Variants in SNTG1 observed in about 807,000 individuals in gnomAD.
SNTG1 encodes the protein syntrophin gamma 1.
A neutral mutation model predicts 74.7 loss-of-function variants in SNTG1; 39 were observed. That is an observed-to-expected ratio of 0.52 (90% CI 0.40 to 0.68). SNTG1 has a LOEUF of 0.68. Ranked by LOEUF, SNTG1 falls within the 30% of genes least tolerant of loss-of-function variation. The pLI, the probability that SNTG1 is intolerant of heterozygous loss-of-function variation, is 0.00. For missense variants in SNTG1, 685 were observed against 609.5 expected, an observed-to-expected ratio of 1.12 and a Z score of -1.30; for synonymous variants, 254 against 217.1, an observed-to-expected ratio of 1.17 and a Z score of -1.49.
intron 1 of SNTG1, among the ~76,000 whole-genome samples, chr8:49,921,445 T>G (rs890259035): frequency 1.3e-5 from 2 of 152,076 alleles, no homozygotes; most frequent in African/African-American, 4.8e-5. Context: ...GACTGTCAGA[T>G]CCTCAAGATC....
At chr8:50,459,400 T>G (rs1036125737) in intron 8 of SNTG1, among the ~76,000 whole-genome samples, 1 of 152,196 alleles carries the variant, frequency 6.6e-6, no homozygotes, top group African/African-American at 2.4e-5. Flanking sequence ...AGCATTTTAT[T>G]TGAATCATCA....
At chr8:50,104,707 T>C (rs1230852098) in intron 1 of SNTG1, among the ~76,000 whole-genome samples, 1 of 152,202 alleles carries the variant, frequency 6.6e-6, no homozygotes, top group Admixed American at 6.6e-5. Context: ...TTTAGTGCTA[T>C]AAATTTCCCT....
intron 2 of SNTG1, among the ~76,000 whole-genome samples, chr8:50,376,981 C>T (rs1365730839): frequency 6.6e-6 from 1 of 151,958 alleles, no homozygotes; most frequent in East Asian, 1.9e-4. Flanking sequence ...AGGATTCAAC[C>T]TGGCCTGAGT....
intron 1 of SNTG1, among the ~76,000 whole-genome samples, chr8:49,953,028 A>T (rs1331452356): frequency 6.6e-6 from 1 of 152,226 alleles, no homozygotes; most frequent in Non-Finnish European, 1.5e-5. Context: ...ATACATGAGT[A>T]TAGGGCTCTG....
chr8:50,217,443 C>T (rs966965454), intron 2 of SNTG1, among the ~76,000 whole-genome samples: 1 of 152,048 alleles, frequency 6.6e-6, no homozygotes, highest in African/African-American at 2.4e-5. Context: ...AACCCAGTCA[C>T]CTATTTGTAC....
chr8:50,320,710 G>A (rs1358915651), intron 2 of SNTG1, among the ~76,000 whole-genome samples: 1 of 151,706 alleles, frequency 6.6e-6, no homozygotes. Flanking sequence ...GGTATGTTGT[G>A]TTTCCAATAC....
At chr8:50,196,376 A>G (rs960448818) in intron 2 of SNTG1, among the ~76,000 whole-genome samples, 14 of 152,196 alleles carry the variant, frequency 9.2e-5, no homozygotes, top group Non-Finnish European at 1.8e-4. Context: ...GAAAACTGCA[A>G]TGCACAATGA....
chr8:49,978,304 G>A (rs1026446140), intron 1 of SNTG1, among the ~76,000 whole-genome samples: 1 of 151,906 alleles, frequency 6.6e-6, no homozygotes, highest in Non-Finnish European at 1.5e-5. Context: ...GAGAGGAGAG[G>A]GAAGAAGAGA....
chr8:49,950,062 G>T (rs1396352149), intron 1 of SNTG1, among the ~76,000 whole-genome samples: 2 of 152,288 alleles, frequency 1.3e-5, no homozygotes, highest in East Asian at 3.9e-4. Flanking sequence ...GTGAGGCAGA[G>T]GTTTCAGTGA....
At chr8:50,680,263 A>C (rs1378627702) in intron 15 of SNTG1, among the ~76,000 whole-genome samples, 1 of 152,182 alleles carries the variant, frequency 6.6e-6, no homozygotes, top group Non-Finnish European at 1.5e-5. Context: ...TGCTTAATAA[A>C]ACAATTCAAA....
intron 12 of SNTG1, among the ~76,000 whole-genome samples, chr8:50,556,504 A>T (rs1442373897): frequency 6.6e-6 from 1 of 152,228 alleles, no homozygotes; most frequent in Non-Finnish European, 1.5e-5. Flanking sequence ...CTTCCAATTA[A>T]TAATTTACCA....
At chr8:50,047,054 A>C (rs1441500871) in intron 1 of SNTG1, among the ~76,000 whole-genome samples, 1 of 152,118 alleles carries the variant, frequency 6.6e-6, no homozygotes, top group East Asian at 1.9e-4. Context: ...TTTTCTTAGA[A>C]TATACGGTGA....
intron 12 of SNTG1, among the ~76,000 whole-genome samples, chr8:50,557,965 C>T (rs181806670): frequency 1.3e-5 from 2 of 152,244 alleles, no homozygotes; most frequent in East Asian, 1.9e-4. Flanking sequence ...CGGGATATCG[C>T]CTCCTTCCCT....
At chr8:49,980,666 T>C (rs1445990529) in intron 1 of SNTG1, among the ~76,000 whole-genome samples, 1 of 151,982 alleles carries the variant, frequency 6.6e-6, no homozygotes, top group Non-Finnish European at 1.5e-5. Context: ...TAAAATAAAT[T>C]GTACTTTTAT....
intron 2 of SNTG1, among the ~76,000 whole-genome samples, chr8:50,206,668 G>A (rs1357251063): frequency 1.3e-5 from 2 of 152,138 alleles, no homozygotes; most frequent in Non-Finnish European, 2.9e-5. Flanking sequence ...GATGCTTCCA[G>A]TTTTTGCCCA....
intron 1 of SNTG1, among the ~76,000 whole-genome samples, chr8:50,082,992 G>A (rs940318739): frequency 1.3e-5 from 2 of 152,090 alleles, no homozygotes; most frequent in African/African-American, 2.4e-5. Context: ...CCAGTTTAAT[G>A]TATAATACTC....
intron 1 of SNTG1, among the ~76,000 whole-genome samples, chr8:50,107,319 A>C (rs1050971392): frequency 6.6e-6 from 1 of 152,186 alleles, no homozygotes; most frequent in Non-Finnish European, 1.5e-5. Flanking sequence ...GAATATTGGC[A>C]ACATAGACAG....
At chr8:50,532,381 C>CA (rs893010258) in intron 10 of SNTG1, among the ~76,000 whole-genome samples, 3 of 151,938 alleles carry the variant, frequency 2.0e-5, no homozygotes, top group Non-Finnish European at 4.4e-5. Flanking sequence ...GATTTTAACA[C>CA]AAAAAAATTA....
rs931196630 is a variant in SNTG1 at position 50,450,791 on chromosome 8, T to G, written c.363+62T>G. On this transcript the variant is annotated intron_variant, in intron 8 of 18. Coordinates refer to ENST00000642720, the MANE Select transcript of SNTG1 (RefSeq NM_018967.5). ...ATGTGCAAATAAGAATTTAGTGCAT[T>G]GCTAAAGACTGTCACTTCATTCATT... The G allele has an allele frequency of 5.4e-6, 8 of 1,475,890 alleles. No individual in the cohort carries two copies. The African/African-American group carries it at 1.1e-4, about 20-fold the overall frequency. 91.4% of individuals were successfully genotyped at this position (1,475,890 alleles called of 1,614,324 possible). A position where few individuals can be genotyped will look rare whatever the true frequency, so the allele number is the denominator to read the frequency against.
Sources: allele counts gnomAD v4.1 joint callset (sites outside exome capture counted in the v4.1 genomes callset), GRCh38; gene constraint gnomAD v4.1.1; transcripts MANE v1.5; gene names NCBI Gene and HGNC (gene_info 2026-07-23, HGNC 2026-07-21).